Variants in NPFFR2 observed in about 807,000 individuals in gnomAD.
NPFFR2 encodes the protein G-protein coupled receptor 74.
A neutral mutation model predicts 13.1 loss-of-function variants in NPFFR2; 15 were observed. That is an observed-to-expected ratio of 1.15 (90% CI 0.77 to 1.76). The LOEUF (loss-of-function observed/expected upper bound fraction) is 1.76. NPFFR2 is among the 40% of genes most tolerant of loss of function. The pLI, the probability that NPFFR2 is intolerant of heterozygous loss-of-function variation, is 0.00. For missense variants in NPFFR2, 572 were observed against 503.5 expected (o/e 1.14, Z -1.30); for synonymous variants, 190 against 175.7 (o/e 1.08, Z -0.65).
intron 1 of NPFFR2, among the ~76,000 whole-genome samples, chr4:72,048,837 T>G (rs548809577): frequency 6.6e-6 from 1 of 152,224 alleles, no homozygotes; most frequent in South Asian, 2.1e-4. Context: ...TTTTCGTAAT[T>G]TCACAGATCA....
chr4:72,033,125 G>A (rs1718968439), intron 1 of NPFFR2, among the ~76,000 whole-genome samples: 1 of 152,058 alleles, frequency 6.6e-6, no homozygotes, highest in South Asian at 2.1e-4. Context: ...AAAATCAATG[G>A]TTTGTAAACT....
At chr4:72,103,489 CT>C (rs397949472) in intron 1 of NPFFR2, among the ~76,000 whole-genome samples, 2,712 of 151,570 alleles carry the variant, frequency 0.018, 86 homozygotes, top group African/African-American at 0.062. Flanking sequence ...GAATAAATTT[CT>C]TTTTTTTTAT....
intron 1 of NPFFR2, among the ~76,000 whole-genome samples, chr4:72,055,450 C>T (rs550677061): frequency 3.3e-5 from 5 of 152,038 alleles, no homozygotes; most frequent in African/African-American, 1.2e-4. Flanking sequence ...TACCATAGCA[C>T]ATAGTAGAGC....
chr4:72,107,494 A>G (rs1295072020), intron 1 of NPFFR2, among the ~76,000 whole-genome samples: 1 of 151,680 alleles, frequency 6.6e-6, no homozygotes, highest in Non-Finnish European at 1.5e-5. Context: ...GCATCTTCCT[A>G]TCTTTCTTTC....
chr4:72,048,787 G>T (rs150243076), intron 1 of NPFFR2, among the ~76,000 whole-genome samples: 25 of 151,620 alleles, frequency 1.6e-4, no homozygotes, highest in African/African-American at 6.0e-4. Context: ...CATGAGTTTT[G>T]TTGGAATTAT....
intron 1 of NPFFR2, among the ~76,000 whole-genome samples, chr4:72,067,809 A>G (rs982387030): frequency 1.3e-5 from 2 of 152,204 alleles, no homozygotes; most frequent in African/African-American, 4.8e-5. Context: ...TATAATGAGG[A>G]CAGCCTTTTC....
intron 1 of NPFFR2, among the ~76,000 whole-genome samples, chr4:72,056,921 A>G (rs1254720900): frequency 6.6e-6 from 1 of 151,948 alleles, no homozygotes; most frequent in African/African-American, 2.4e-5. Flanking sequence ...ATGGATAAGC[A>G]AAGAGAGTGG....
intron 1 of NPFFR2, among the ~76,000 whole-genome samples, chr4:72,071,395 C>A (rs1720251083): frequency 6.6e-6 from 1 of 151,954 alleles, no homozygotes; most frequent in South Asian, 2.1e-4. Flanking sequence ...GTGTATGACC[C>A]CCCAAATAGA....
intron 1 of NPFFR2, among the ~76,000 whole-genome samples, chr4:72,032,647 A>C (rs1444619969): frequency 6.6e-6 from 1 of 152,240 alleles, no homozygotes; most frequent in Non-Finnish European, 1.5e-5. Context: ...AGAAAAGCTG[A>C]AATCAGGTTT....
chr4:72,145,060 T>A (rs1180170472), intron 3 of NPFFR2, among the ~76,000 whole-genome samples: 1 of 152,118 alleles, frequency 6.6e-6, no homozygotes, highest in African/African-American at 2.4e-5. Context: ...AAGTCCAAAC[T>A]TTTTAGCAGA....
intron 1 of NPFFR2, among the ~76,000 whole-genome samples, chr4:72,046,080 T>TAGGCA (rs1050607512): frequency 1.3e-5 from 2 of 152,118 alleles, no homozygotes; most frequent in African/African-American, 4.8e-5. Flanking sequence ...AATCATGTGG[T>TAGGCA]AAATACCACA....
At chr4:72,060,017 T>C (rs6855377) in intron 1 of NPFFR2, among the ~76,000 whole-genome samples, 135,417 of 151,876 alleles carry the variant, frequency 0.89, 61,462 homozygotes, top group Non-Finnish European at 0.98. Flanking sequence ...GGCAGTGATA[T>C]ATGATGCTTT....
intron 1 of NPFFR2, among the ~76,000 whole-genome samples, chr4:72,123,118 A>G (rs1721939104): frequency 6.6e-6 from 1 of 152,188 alleles, no homozygotes; most frequent in South Asian, 2.1e-4. Flanking sequence ...ATAAACTACC[A>G]TCAGAATACT....
chr4:72,062,706 C>T (rs1201838884), intron 1 of NPFFR2, among the ~76,000 whole-genome samples: 2 of 152,128 alleles, frequency 1.3e-5, no homozygotes, highest in African/African-American at 4.8e-5. Context: ...CTTTGTGATT[C>T]TTTCTTGCTC....
intron 1 of NPFFR2, among the ~76,000 whole-genome samples, chr4:72,075,174 A>G (rs76538210): frequency 0.053 from 8,015 of 152,162 alleles, 769 homozygotes; most frequent in East Asian, 0.47. Flanking sequence ...AAGCAGGTAG[A>G]AAAACATGAA....
chr4:72,058,265 T>C (rs1719818340), intron 1 of NPFFR2, among the ~76,000 whole-genome samples: 1 of 151,894 alleles, frequency 6.6e-6, no homozygotes, highest in Admixed American at 6.6e-5. Flanking sequence ...GAAAATACTA[T>C]GTATATACAG....
intron 1 of NPFFR2, among the ~76,000 whole-genome samples, chr4:72,123,740 A>T (rs997945779): frequency 1.3e-5 from 2 of 152,200 alleles, no homozygotes; most frequent in African/African-American, 4.8e-5. Context: ...CTCTCAATAA[A>T]CTAGATATTG....
intron 2 of NPFFR2, among the ~76,000 whole-genome samples, chr4:72,135,992 T>G (rs1578479634): frequency 6.6e-6 from 1 of 152,276 alleles, no homozygotes; most frequent in Admixed American, 6.5e-5. Flanking sequence ...ACATTTCAAT[T>G]CTACTCTTAG....
rs28856600 is a variant in NPFFR2, at chr4:72,056,204, A to G, written c.-8+24004A>G. ...CTTCAGAACCTCAAAGGACAGCCTG[A>G]TAAGGCAGCTGGTGACTTTAAGTTG... is the stretch of plus-strand genomic sequence containing the variant. On this transcript the variant is annotated intron_variant, in intron 1 of 3. Coordinates refer to ENST00000308744, the MANE Select transcript of NPFFR2 (RefSeq NM_004885.3). Among the ~76,000 whole-genome samples, 1,211 of 152,106 alleles carry G rather than the reference A, an allele frequency of 8.0e-3. 8 individuals are homozygous for G. Among genetic ancestry groups the G allele is most frequent in the African/African-American group, 0.017 (700 of 41,548 alleles).
Sources: allele counts gnomAD v4.1 joint callset (sites outside exome capture counted in the v4.1 genomes callset), GRCh38; gene constraint gnomAD v4.1.1; transcripts MANE v1.5; gene names NCBI Gene and HGNC (gene_info 2026-07-23, HGNC 2026-07-21).